CATSPERD: variants seen among roughly 807,000 people sequenced by gnomAD.
The protein encoded by CATSPERD is catsper channel auxiliary subunit delta.
CATSPERD carries 86 observed loss-of-function variants against 98.1 expected under a neutral mutation model. The ratio of observed to expected loss-of-function variants is 0.88; its 90% CI spans 0.74 to 1.05. The LOEUF (loss-of-function observed/expected upper bound fraction) is 1.05. CATSPERD is among the 50% of genes least tolerant of loss of function. The probability of loss-of-function intolerance (pLI) is 0.00; values close to 1 mark genes in which losing one functional copy is unlikely to be tolerated. For missense variants in CATSPERD, 995 were observed against 1,005.7 expected (o/e 0.99, Z 0.14); for synonymous variants, 394 against 390.2 (o/e 1.01, Z -0.12).
Position 5,729,866 on chromosome 19 carries a change from T to C in CATSPERD, c.204-6T>C, listed in dbSNP as rs767661192. 6 of 1,542,470 alleles carry C rather than the reference T, an allele frequency of 3.9e-6. No individual in the cohort carries two copies. In the Admixed American group the frequency reaches 1.0e-4, roughly 27 times the overall value. On this transcript the variant is annotated splice_region_variant and splice_polypyrimidine_tract_variant and intron_variant, in intron 3 of 21. Coordinates refer to ENST00000381624, the MANE Select transcript of CATSPERD (RefSeq NM_152784.4). ...CCTAATTTAACTTATTTATTGTTTA[T>C]TTCAGGAAACAAGTTTTTTTCACAA...
At chr19:5,744,656 A>T (rs1314753998) in intron 8 of CATSPERD, 146 bp downstream of exon 8, 1 of 459,850 alleles carries the variant, frequency 2.2e-6, no homozygotes, top group African/African-American at 2.1e-5. Flanking sequence ...GCCGGAGTGC[A>T]GTGGCGCAAT....
chr19:5,768,016 T>C, intron 17 of CATSPERD, 152 bp from the exon 18 acceptor site: 1 of 504,396 alleles, frequency 2.0e-6, no homozygotes, highest in Non-Finnish European at 3.6e-6. Context: ...CAGGCTGGTC[T>C]CCAACTCCTG....
chr19:5,775,585 C>T (rs1201918230), intron 20 of CATSPERD, among the ~76,000 whole-genome samples: 5 of 142,002 alleles, frequency 3.5e-5, no homozygotes, highest in African/African-American at 1.1e-4. Flanking sequence ...GGAGGCAGAG[C>T]TTGCAGTAAG....
intron 18 of CATSPERD, among the ~76,000 whole-genome samples, chr19:5,768,572 G>A (rs557692143): frequency 2.0e-5 from 3 of 151,774 alleles, no homozygotes; most frequent in Non-Finnish European, 2.9e-5. Flanking sequence ...TCCTGATCTC[G>A]TGATCCGCCC....
chr19:5,735,841 C>T (rs1332010356), intron 5 of CATSPERD, among the ~76,000 whole-genome samples: 3 of 143,972 alleles, frequency 2.1e-5, no homozygotes, highest in Non-Finnish European at 3.0e-5. Flanking sequence ...CGTGCAGTGG[C>T]GCGATCTCGG....
rs368211142 is a variant in CATSPERD at position 5,773,066 on chromosome 19, G to C, written c.1941+101G>C. ...GCGGCCATGGAACTGAGTATGGAAT[G>C]AAAGAGTTGGGGCGCGGTGGCTCAC... On this transcript the variant is annotated intron_variant, in intron 20 of 21. Coordinates refer to ENST00000381624, the MANE Select transcript of CATSPERD (RefSeq NM_152784.4). The C allele has an allele frequency of 6.3e-5, 79 of 1,256,972 alleles. No homozygotes were observed. In the African/African-American group the frequency reaches 1.1e-3, roughly 17 times the overall value. 77.9% of individuals were successfully genotyped at this position (1,256,972 alleles called of 1,614,324 possible). A position where few individuals can be genotyped will look rare whatever the true frequency, so the allele number is the denominator to read the frequency against.
intron 4 of CATSPERD, 127 bp downstream of exon 4, chr19:5,730,071 C>A (rs1001070413): frequency 1.7e-6 from 1 of 581,884 alleles, no homozygotes; most frequent in African/African-American, 1.9e-5. Context: ...TGTACCTCTT[C>A]AAGACATTAA....
chr19:5,758,225 T>C (rs2056364431), intron 14 of CATSPERD, among the ~76,000 whole-genome samples: 3 of 151,954 alleles, frequency 2.0e-5, no homozygotes, highest in African/African-American at 7.2e-5. Flanking sequence ...GGGGGCAGTT[T>C]CCACAGGGCA....
chr19:5,746,811 C>CTT (rs71172759), intron 9 of CATSPERD, among the ~76,000 whole-genome samples: 81 of 148,554 alleles, frequency 5.5e-4, no homozygotes, highest in South Asian at 1.9e-3. Context: ...TCCTGTTTTT[C>CTT]TTTTTTTTTT....
chr19:5,773,018 G>A (rs1265816537), intron 20 of CATSPERD, 53 bp downstream of exon 20: 5 of 1,571,522 alleles, frequency 3.2e-6, no homozygotes, highest in Middle Eastern at 1.7e-4. Context: ...ACCAGGGGGT[G>A]GGAGAGTGCG....
At chr19:5,724,697 C>A in intron 1 of CATSPERD, 111 bp from the exon 2 acceptor site, 1 of 1,077,848 alleles carries the variant, frequency 9.3e-7, no homozygotes, top group Non-Finnish European at 1.4e-6. Context: ...AGACTCCGTC[C>A]CCCCCAAAAA....
chr19:5,758,960 G>A, intron 14 of CATSPERD, 126 bp from the exon 15 acceptor site: 1 of 779,554 alleles, frequency 1.3e-6, no homozygotes. Context: ...ACAGAGTGGG[G>A]CTAAGCGGCT....
intron 15 of CATSPERD, among the ~76,000 whole-genome samples, chr19:5,762,859 G>A (rs781767020): frequency 4.6e-5 from 7 of 151,604 alleles, no homozygotes; most frequent in South Asian, 2.1e-4. Flanking sequence ...TGGATGGATG[G>A]ATAGGTGGAT....
intron 6 of CATSPERD, among the ~76,000 whole-genome samples, chr19:5,738,449 T>C (rs2055892014): frequency 6.6e-6 from 1 of 151,942 alleles, no homozygotes; most frequent in African/African-American, 2.4e-5. Flanking sequence ...GGAGGATGGC[T>C]TGAGCCCAGA....
chr19:5,762,858 G>T (rs11670413), intron 15 of CATSPERD, among the ~76,000 whole-genome samples: 15 of 150,642 alleles, frequency 1.0e-4, no homozygotes, highest in Non-Finnish European at 1.9e-4. Context: ...ATGGATGGAT[G>T]GATAGGTGGA....
chr19:5,732,792 C>T (rs2055753783), intron 4 of CATSPERD, among the ~76,000 whole-genome samples: 1 of 151,976 alleles, frequency 6.6e-6, no homozygotes, highest in Admixed American at 6.6e-5. Flanking sequence ...TCTCGTGCCT[C>T]AGACTCCTGA....
At chr19:5,768,144 C>T in intron 17 of CATSPERD, 24 bp from the exon 18 acceptor site, 2 of 1,607,632 alleles carry the variant, frequency 1.2e-6, no homozygotes, top group Non-Finnish European at 1.7e-6. Context: ...CATGCCATTG[C>T]TCAATGTCCA....
At chr19:5,739,298 ATTCT>A (rs745399347) in intron 6 of CATSPERD, 24 bp from the exon 7 acceptor site, 93 of 1,245,110 alleles carry the variant, frequency 7.5e-5, no homozygotes, top group Admixed American at 6.4e-4. Flanking sequence ...TCTTTCTTTC[ATTCT>A]TTCTTTCTTT....
intron 1 of CATSPERD, among the ~76,000 whole-genome samples, chr19:5,722,278 C>T (rs114279637): frequency 2.0e-5 from 3 of 152,082 alleles, no homozygotes; most frequent in East Asian, 1.9e-4. Context: ...CCTGCCACCA[C>T]GTGCAGCTAA....
Sources: allele counts gnomAD v4.1 joint callset (sites outside exome capture counted in the v4.1 genomes callset), GRCh38; gene constraint gnomAD v4.1.1; transcripts MANE v1.5; gene names NCBI Gene and HGNC (gene_info 2026-07-23, HGNC 2026-07-21).